The following LFNG variants were observed in gnomAD, a reference collection of about 807,000 sequenced individuals.
The protein encoded by LFNG is LFNG O-fucosylpeptide 3-beta-N-acetylglucosaminyltransferase.
LFNG carries 15 observed loss-of-function variants against 32.7 expected under a neutral mutation model. The observed-to-expected ratio is 0.46, with a 90% CI of 0.31 to 0.71. The LOEUF (loss-of-function observed/expected upper bound fraction) is 0.71. LFNG is among the 30% of genes least tolerant of loss of function. LFNG has a pLI of 0.06. For missense variants in LFNG, 520 were observed against 545.7 expected (o/e 0.95, Z 0.47); for synonymous variants, 274 against 246.8 (o/e 1.11, Z -1.03).
chr7:2,517,668 G>A (rs775917173), upstream of LFNG: 11 of 457,652 alleles, frequency 2.4e-5, no homozygotes, highest in African/African-American at 4.0e-5. Flanking sequence ...GGTGCAGGGT[G>A]GCATGGCACC....
chr7:2,521,024 G>T (rs570040420), intron 1 of LFNG, among the ~76,000 whole-genome samples: 1 of 152,232 alleles, frequency 6.6e-6, no homozygotes, highest in Admixed American at 6.5e-5. Context: ...TGTGGGGCTT[G>T]CAGTCGGGGA....
At chr7:2,525,617 C>A in intron 4 of LFNG, 50 bp downstream of exon 4, 1 of 1,611,778 alleles carries the variant, frequency 6.2e-7, no homozygotes, top group Non-Finnish European at 8.5e-7. Flanking sequence ...AGCGCACACC[C>A]GGAGTGGGGG....
chr7:2,527,577 T>G lies in LFNG; in HGVS notation c.*365T>G, dbSNP rs1236487590. The G allele has an allele frequency of 8.2e-7, 1 of 1,214,166 alleles. No individual in the cohort carries two copies. Among genetic ancestry groups the G allele is most frequent in the Non-Finnish European group, 1.0e-6 (1 of 960,156 alleles). The allele number at this position is 1,214,166 out of a possible 1,614,324, so 75.2% of individuals were successfully genotyped here. A position where few individuals can be genotyped will look rare whatever the true frequency, so the allele number is the denominator to read the frequency against. On this transcript the variant is annotated 3_prime_UTR_variant, in exon 8 of 8. Coordinates refer to ENST00000222725, the MANE Select transcript of LFNG (RefSeq NM_001040167.2). The surrounding 1 kb of genome is among the most constrained non-coding windows in gnomAD (Gnocchi z 4.4). ...GGCTACTTTGCAGGGATGCGATGCGTAGGTGCCTTTCTCTTCCTGCTGACC... is the reference window on the plus strand; with the variant it reads ...GGCTACTTTGCAGGGATGCGATGCGGAGGTGCCTTTCTCTTCCTGCTGACC...
Position 2,519,826 on chromosome 7 carries a change from A to G in LFNG, c.-36A>G. 1 of 1,063,624 alleles carries G rather than the reference A, an allele frequency of 9.4e-7. No individual in the cohort carries two copies. The highest frequency in any genetic ancestry group is 1.1e-6 in the Non-Finnish European group (1 of 879,616). The allele number at this position is 1,063,624 out of a possible 1,614,324, so 65.9% of individuals were successfully genotyped here. A position where few individuals can be genotyped will look rare whatever the true frequency, so the allele number is the denominator to read the frequency against. On this transcript the variant is annotated 5_prime_UTR_variant, in exon 1 of 8. Coordinates refer to ENST00000222725, the MANE Select transcript of LFNG (RefSeq NM_001040167.2). ...CTTCGGGTCGGTGCAAGGCAGGCGCACGGGGAAGGGCGCGCCGCGCGGCCG... is the reference window on the plus strand; with the variant it reads ...CTTCGGGTCGGTGCAAGGCAGGCGCGCGGGGAAGGGCGCGCCGCGCGGCCG...
Position 2,525,491 on chromosome 7 carries a change from C to G in LFNG, c.659C>G (p.Thr220Arg). ...LLRLLASYPH[T>R]RDVYVGKPSL... ...CGGCTGCTGGCCAGCTACCCGCACACGCGGGACGTCTACGTCGGCAAGCCC... is the reference window on the plus strand; with the variant it reads ...CGGCTGCTGGCCAGCTACCCGCACAGGCGGGACGTCTACGTCGGCAAGCCC... Residue 220 changes from threonine (T) to arginine (R), a missense_variant, in exon 4 of 8, where the codon ACG becomes AGG. Around this residue, in one of 3 missense-constraint regions of LFNG, gnomAD observed 360 missense variants for 354.7 expected, o/e 1.01. Transcript: ENST00000222725. 1 of 1,612,412 alleles carries G rather than the reference C, an allele frequency of 6.2e-7. No homozygotes were observed. The highest frequency in any genetic ancestry group is 8.5e-7 in the Non-Finnish European group (1 of 1,179,866).
chr7:2,519,548 G>A (rs1381870034), upstream of LFNG, among the ~76,000 whole-genome samples: 1 of 151,264 alleles, frequency 6.6e-6, no homozygotes, highest in Admixed American at 6.6e-5. Flanking sequence ...CGGCCCGCAG[G>A]GGCTACCCGG....
chr7:2,520,252 G>T lies in LFNG; in HGVS notation c.391G>T (p.Asp131Tyr), dbSNP rs952746488. The T allele has an allele frequency of 3.7e-6, 6 of 1,609,538 alleles. No individual in the cohort carries two copies. The highest frequency in any genetic ancestry group is 1.3e-5 in the African/African-American group (1 of 74,470). ...TTKKFHRARL[D>Y]LLLETWISRH... The stretch of plus-strand genomic sequence containing the variant: ...CAAAAAGTTCCACCGCGCGCGCCTC[G>T]ACCTGCTGCTGGAGACCTGGATCTC... The change falls in exon 1 of 8, where the codon GAC (aspartate) becomes TAC (tyrosine). Residue 131 changes from aspartate (D) to tyrosine (Y), a missense_variant. This residue lies in a region of LFNG where 360 missense variants were observed against 354.7 expected (regional missense o/e 1.01). Coordinates refer to ENST00000222725, the MANE Select transcript of LFNG (RefSeq NM_001040167.2). This position sits in a 1 kb window ranked among gnomAD's most constrained non-coding sequence, Gnocchi z 5.0.
At chr7:2,513,214 G>T (rs1206071855), upstream of LFNG, 16 of 1,612,668 alleles carry the variant, frequency 9.9e-6, no homozygotes, top group Non-Finnish European at 1.2e-5. Context: ...ATGAGCACAT[G>T]AAATGGATGG....
chr7:2,526,301 C>G lies in LFNG; in HGVS notation c.879C>G (p.Ile293Met), dbSNP rs144054000. The change falls in exon 6 of 8, where the codon ATC becomes ATG. Residue 293 changes from isoleucine (I) to methionine (M), a missense_variant. Physicochemically the swap from Ile to Met is conservative, Grantham distance 10. This residue lies in a region of LFNG where 150 missense variants were observed against 159.9 expected (regional missense o/e 0.94). Coordinates refer to ENST00000222725, the MANE Select transcript of LFNG (RefSeq NM_001040167.2). The surrounding 1 kb of genome is among the most constrained non-coding windows in gnomAD (Gnocchi z 6.9). ...ERIRLPDDCT[I>M]GYIVEALLGV... ...TCCGGCTGCCTGATGACTGCACCAT[C>G]GGCTACATCGTGGAGGCCCTGCTGG... 6.2e-7 allele frequency: 1 copy of G among 1,612,844 alleles called. No individual in the cohort carries two copies. Among genetic ancestry groups the G allele is most frequent in the Non-Finnish European group, 8.5e-7 (1 of 1,179,970 alleles).
chr7:2,515,375 C>T (rs1299884086), upstream of LFNG, among the ~76,000 whole-genome samples: 1 of 152,180 alleles, frequency 6.6e-6, no homozygotes, highest in Admixed American at 6.5e-5. Flanking sequence ...GCCTCTTCCC[C>T]CAGGGACACA....
chr7:2,513,170 T>TGGGC (rs766287334), upstream of LFNG: 4 of 1,613,776 alleles, frequency 2.5e-6, no homozygotes, highest in South Asian at 4.4e-5. Context: ...CAAGCAGATC[T>TGGGC]GGGCATGGAG....
chr7:2,518,571 C>T (rs372820843), upstream of LFNG: 9 of 1,552,764 alleles, frequency 5.8e-6, no homozygotes, highest in Non-Finnish European at 8.0e-6. Flanking sequence ...CAGGTCGCTG[C>T]TGTCTTGCGG....
At position 2,526,830 on chromosome 7, in the gene LFNG, C is replaced by G. The variant is rs767620142; in HGVS notation, c.988-6C>G. 1 of 1,612,322 alleles carries G rather than the reference C, an allele frequency of 6.2e-7. No individual in the cohort carries two copies. Among genetic ancestry groups the G allele is most frequent in the Non-Finnish European group, 8.5e-7 (1 of 1,179,780 alleles). ...CTCCCGGCATCACTCCGCCCGCTCC[C>G]CACAGGTGACGCTGAGCTACGGTAT... On this transcript the variant is annotated splice_polypyrimidine_tract_variant and splice_region_variant and intron_variant, in intron 6 of 7. Coordinates refer to ENST00000222725, the MANE Select transcript of LFNG (RefSeq NM_001040167.2). The surrounding 1 kb of genome is among the most constrained non-coding windows in gnomAD (Gnocchi z 6.9).
upstream of LFNG, chr7:2,517,850 A>C (rs1374057884): frequency 4.1e-6 from 5 of 1,220,918 alleles, no homozygotes; most frequent in East Asian, 1.2e-4. Context: ...TAACTCAGCC[A>C]GTGGAGAGCT....
At position 2,520,493 on chromosome 7, in the gene LFNG, C is replaced by T. The variant is rs940093651; in HGVS notation, c.432+200C>T. Among the ~76,000 whole-genome samples the T allele has an allele frequency of 4.6e-5, 7 of 152,212 alleles. No individual in the cohort carries two copies. Among genetic ancestry groups the T allele is most frequent in the African/African-American group, 1.7e-4 (7 of 41,464 alleles). ...CCCGTTACAGTTGTGTTACTGTCCC[C>T]GGGGCCCCGCCTCCTGTCCAGCTCC... On this transcript the variant is annotated intron_variant, in intron 1 of 7. Coordinates refer to ENST00000222725, the MANE Select transcript of LFNG (RefSeq NM_001040167.2). This position sits in a 1 kb window ranked among gnomAD's most constrained non-coding sequence, Gnocchi z 5.0.
At chr7:2,525,646 C>G in intron 4 of LFNG, 39 bp from the exon 5 acceptor site, 1 of 1,611,884 alleles carries the variant, frequency 6.2e-7, no homozygotes, top group Non-Finnish European at 8.5e-7. Context: ...TGAGGGGCAG[C>G]AGCGCCTGGG....
In LFNG at chr7:2,527,842, C is replaced by A; in HGVS notation, c.*630C>A. 17 of 1,000,586 alleles carry A rather than the reference C, an allele frequency of 1.7e-5. No individual in the cohort carries two copies. The highest frequency in any genetic ancestry group is 2.0e-5 in the Non-Finnish European group (17 of 837,662). The allele number at this position is 1,000,586 out of a possible 1,614,324, so 62.0% of individuals were successfully genotyped here. A position where few individuals can be genotyped will look rare whatever the true frequency, so the allele number is the denominator to read the frequency against. ...GTCCAGCTGGGCAAACAGTGGCACC[C>A]CTCCCAGCTCTTCTGAGTGGGGAGT... is the stretch of plus-strand genomic sequence containing the variant. On this transcript the variant is annotated 3_prime_UTR_variant, in exon 8 of 8. Coordinates refer to ENST00000222725, the MANE Select transcript of LFNG (RefSeq NM_001040167.2). The surrounding 1 kb of genome is among the most constrained non-coding windows in gnomAD (Gnocchi z 4.4).
In LFNG at chr7:2,526,177, G is replaced by A. The variant is rs1583277320; in HGVS notation, c.822-67G>A. On this transcript the variant is annotated intron_variant, in intron 5 of 7. Coordinates refer to ENST00000222725, the MANE Select transcript of LFNG (RefSeq NM_001040167.2). This position sits in a 1 kb window ranked among gnomAD's most constrained non-coding sequence, Gnocchi z 6.9. ...GGAGTGCAGCGCCTTTGCCTGGTGG[G>A]GCCTCCCCAGCTCCCAGCAGATGGC... is the stretch of plus-strand genomic sequence containing the variant. 6 of 1,577,122 alleles carry A rather than the reference G, an allele frequency of 3.8e-6. No individual in the cohort carries two copies. Among genetic ancestry groups the A allele is most frequent in the South Asian group, 1.1e-5 (1 of 90,102 alleles).
upstream of LFNG, among the ~76,000 whole-genome samples, chr7:2,519,568 G>T (rs556689032): frequency 6.6e-6 from 1 of 150,914 alleles, no homozygotes; most frequent in Admixed American, 6.6e-5. Context: ...GGGCGGGGGG[G>T]GTGCGGGGCG....
Sources: allele counts gnomAD v4.1 joint callset (sites outside exome capture counted in the v4.1 genomes callset), GRCh38; gene constraint gnomAD v4.1.1; regional missense constraint gnomAD v4.1.1; non-coding constraint Gnocchi (gnomAD v3.1); transcripts MANE v1.5; gene names NCBI Gene and HGNC (gene_info 2026-07-23, HGNC 2026-07-21).